The following SDK1 variants were observed in gnomAD, a reference collection of about 807,000 sequenced individuals.
SDK1 encodes sidekick cell adhesion molecule 1, also known as protein sidekick-1.
Under a neutral mutation model 245.5 loss-of-function variants are expected in SDK1, and 157 were observed. The ratio of observed to expected loss-of-function variants is 0.64; its 90% CI spans 0.56 to 0.73. The LOEUF is 0.73. Among genes scored for constraint, SDK1 ranks in the 30% least tolerant of loss-of-function variants. The probability of loss-of-function intolerance (pLI) is 0.00; values close to 1 mark genes in which losing one functional copy is unlikely to be tolerated. For synonymous variants in SDK1, 1,647 were observed against 1,278.5 expected (o/e 1.29, Z -6.15); for missense variants, 3,583 against 3,002.3 (o/e 1.19, Z -4.52).
chr7:3,514,157 T>C (rs965412206), intron 1 of SDK1, among the ~76,000 whole-genome samples: 2 of 152,208 alleles, frequency 1.3e-5, no homozygotes, highest in African/African-American at 4.8e-5. Context: ...CAAATGTCTT[T>C]AGACTGCCTG....
chr7:3,995,637 C>T (rs1014796830), intron 14 of SDK1, among the ~76,000 whole-genome samples: 1 of 152,202 alleles, frequency 6.6e-6, no homozygotes, highest in African/African-American at 2.4e-5. Flanking sequence ...AAGATACCCT[C>T]CTGTGTCTTC....
At chr7:3,792,150 A>C (rs979518640) in intron 4 of SDK1, among the ~76,000 whole-genome samples, 2 of 151,948 alleles carry the variant, frequency 1.3e-5, no homozygotes, top group African/African-American at 2.4e-5. Context: ...CAAAATAACA[A>C]AAAAAACCCT....
Position 3,373,911 on chromosome 7 carries a change from C to G in SDK1, c.298+72027C>G, listed in dbSNP as rs572650693. Among the ~76,000 whole-genome samples the G allele has an allele frequency of 6.6e-5, 10 of 152,204 alleles. No homozygotes were observed. In the South Asian group the frequency reaches 2.1e-3, roughly 32 times the overall value. ...AAACTTGAAATAAACTTGATAAGTACATGATTTATATGAAGAAAACCATAA... is the reference window on the plus strand; with the variant it reads ...AAACTTGAAATAAACTTGATAAGTAGATGATTTATATGAAGAAAACCATAA... On this transcript the variant is annotated intron_variant, in intron 1 of 44. Transcript: ENST00000404826.
intron 1 of SDK1, among the ~76,000 whole-genome samples, chr7:3,537,287 T>G (rs1260118335): frequency 6.6e-5 from 10 of 152,230 alleles, no homozygotes; most frequent in Non-Finnish European, 1.5e-5. Context: ...ATGACTGTCT[T>G]AAAATACCCA....
In SDK1 at chr7:4,178,580, G is replaced by A. The variant is rs188799295; in HGVS notation, c.5092G>A (p.Glu1698Lys). 56 of 1,609,956 alleles carry A rather than the reference G, an allele frequency of 3.5e-5. No homozygotes were observed. Among genetic ancestry groups the A allele is most frequent in the African/African-American group, 6.7e-5 (5 of 75,054 alleles). The change falls in exon 35 of 45, where the codon GAG becomes AAG. Residue 1698 changes from glutamate to lysine, a missense_variant. Coordinates refer to ENST00000404826, the MANE Select transcript of SDK1 (RefSeq NM_152744.4). ...ASAPVEVFVG[E>K]AAPAMAPQNV... ...CGCGCCCGTGGAGGTCTTTGTCGGC[G>A]AGGCTGGTAAGCTCCGTGCACCCCC...
intron 1 of SDK1, among the ~76,000 whole-genome samples, chr7:3,434,409 C>T (rs1779959011): frequency 6.6e-6 from 1 of 152,186 alleles, no homozygotes; most frequent in African/African-American, 2.4e-5. Context: ...TGCCCTACGC[C>T]ACTGTGGTTT....
chr7:3,552,160 C>G (rs1366613772), intron 1 of SDK1, among the ~76,000 whole-genome samples: 4 of 152,068 alleles, frequency 2.6e-5, no homozygotes, highest in Non-Finnish European at 5.9e-5. Flanking sequence ...GCCTCAGCCT[C>G]CTGAGTAGCT....
At chr7:3,971,404 C>T (rs114321620) in intron 11 of SDK1, 62 bp from the exon 12 acceptor site, 9 of 1,166,800 alleles carry the variant, frequency 7.7e-6, no homozygotes, top group South Asian at 3.9e-5. Context: ...CATTATCCCC[C>T]CTGAGGGCAG....
At chr7:4,014,711 A>G (rs528122804) in intron 16 of SDK1, among the ~76,000 whole-genome samples, 1 of 152,324 alleles carries the variant, frequency 6.6e-6, no homozygotes, top group Admixed American at 6.5e-5. Flanking sequence ...TATGTCCTTT[A>G]TAAACGTTCT....
intron 1 of SDK1, among the ~76,000 whole-genome samples, chr7:3,450,591 G>A (rs1426556799): frequency 1.3e-5 from 2 of 152,214 alleles, no homozygotes; most frequent in East Asian, 1.9e-4. Flanking sequence ...GGAGGAATGA[G>A]TTTGGGAATG....
chr7:4,201,384 C>A (rs942984830), intron 35 of SDK1, among the ~76,000 whole-genome samples: 11 of 152,106 alleles, frequency 7.2e-5, no homozygotes, highest in Admixed American at 4.6e-4. Context: ...TCCCATAGTT[C>A]CTTAGGAAAT....
At chr7:3,327,825 T>C (rs1282967736) in intron 1 of SDK1, among the ~76,000 whole-genome samples, 1 of 152,180 alleles carries the variant, frequency 6.6e-6, no homozygotes, top group Non-Finnish European at 1.5e-5. Flanking sequence ...AGGAATATTA[T>C]GTAATGCTGT....
intron 1 of SDK1, among the ~76,000 whole-genome samples, chr7:3,422,224 T>G (rs1779553662): frequency 6.6e-6 from 1 of 152,280 alleles, no homozygotes; most frequent in South Asian, 2.1e-4. Flanking sequence ...GCCAAACTAC[T>G]CTTACATAGG....
At chr7:4,083,439 G>A (rs1399561437) in intron 22 of SDK1, among the ~76,000 whole-genome samples, 1 of 151,872 alleles carries the variant, frequency 6.6e-6, no homozygotes, top group Non-Finnish European at 1.5e-5. Flanking sequence ...TTACATCCTT[G>A]TGGGGTCACT....
intron 1 of SDK1, among the ~76,000 whole-genome samples, chr7:3,308,837 C>G (rs1779482530): frequency 6.6e-6 from 1 of 151,922 alleles, no homozygotes; most frequent in South Asian, 2.1e-4. Context: ...TGGAAGCTCT[C>G]AAGTGTGTAA....
chr7:4,217,467 C>G (rs1324796785), intron 38 of SDK1, among the ~76,000 whole-genome samples: 3 of 117,364 alleles, frequency 2.6e-5, no homozygotes, highest in African/African-American at 1.0e-4. Context: ...CACCACACCA[C>G]CCGGAGCACC....
chr7:4,016,032 G>C (rs566670019), intron 16 of SDK1, among the ~76,000 whole-genome samples: 1 of 152,278 alleles, frequency 6.6e-6, no homozygotes, highest in South Asian at 2.1e-4. Context: ...TGAATTTCTG[G>C]GTTTCTTCTC....
chr7:3,839,379 A>G (rs1229573582), intron 5 of SDK1, among the ~76,000 whole-genome samples: 1 of 152,220 alleles, frequency 6.6e-6, no homozygotes, highest in Non-Finnish European at 1.5e-5. Context: ...TTGGTTTTCA[A>G]GAGAATTGAA....
At chr7:3,524,224 A>G (rs960259647) in intron 1 of SDK1, among the ~76,000 whole-genome samples, 3 of 152,214 alleles carry the variant, frequency 2.0e-5, no homozygotes, top group Non-Finnish European at 4.4e-5. Context: ...CAGTTTGTAT[A>G]GGGCTTTCTA....
Sources: allele counts gnomAD v4.1 joint callset (sites outside exome capture counted in the v4.1 genomes callset), GRCh38; gene constraint gnomAD v4.1.1; transcripts MANE v1.5; gene names NCBI Gene and HGNC (gene_info 2026-07-23, HGNC 2026-07-21).